Variants in MARCHF10 observed in about 807,000 individuals in gnomAD.
MARCHF10 encodes probable E3 ubiquitin-protein ligase MARCHF10.
Under a neutral mutation model 76.2 loss-of-function variants are expected in MARCHF10, and 64 were observed. The ratio of observed to expected loss-of-function variants is 0.84; its 90% CI spans 0.69 to 1.03. The LOEUF (loss-of-function observed/expected upper bound fraction) is 1.03, where lower values mean the gene tolerates loss of function less well. Ranked by LOEUF, MARCHF10 falls within the 50% of genes least tolerant of loss-of-function variation. The probability of loss-of-function intolerance (pLI) is 0.00; values close to 1 mark genes in which losing one functional copy is unlikely to be tolerated. For missense variants in MARCHF10, 875 were observed against 958.0 expected (o/e 0.91, Z 1.14); for synonymous variants, 340 against 357.5 (o/e 0.95, Z 0.55).
intron 5 of MARCHF10, 30 bp from the exon 6 acceptor site, chr17:62,737,362 C>G (rs1487338677): frequency 6.3e-7 from 1 of 1,589,074 alleles, no homozygotes; most frequent in Non-Finnish European, 8.5e-7. Flanking sequence ...ATTTATCGTT[C>G]CAGTAAAAGG....
At chr17:62,730,163 G>A (rs553995153) in intron 6 of MARCHF10, among the ~76,000 whole-genome samples, 1 of 141,278 alleles carries the variant, frequency 7.1e-6, no homozygotes, top group Non-Finnish European at 1.6e-5. Context: ...TCCAGCCTGA[G>A]CAACAGAGTG....
At chr17:62,775,251 G>T (rs944214991) in intron 3 of MARCHF10, among the ~76,000 whole-genome samples, 1 of 150,528 alleles carries the variant, frequency 6.6e-6, no homozygotes, top group Non-Finnish European at 1.5e-5. Context: ...TTAGCCTCCC[G>T]AGTAGCTGGG....
rs1304306648 is a variant in MARCHF10 at position 62,736,635 on chromosome 17, T to C, written c.1233A>G (p.Gln411=). 6.2e-7 allele frequency: 1 copy of C among 1,614,176 alleles called. No individual in the cohort carries two copies. The highest frequency in any genetic ancestry group is 8.5e-7 in the Non-Finnish European group (1 of 1,180,014). ...LSWDTKSEPR[Q]EVGVNAENVW... ...CATTTTCAGCATTGACACCAACCTC[T>C]TGTCTGGGCTCGGATTTGGTGTCCC... Residue 411 remains glutamine, a synonymous_variant, in exon 6 of 11, where the codon CAA becomes CAG. Coordinates refer to ENST00000311269, the MANE Select transcript of MARCHF10 (RefSeq NM_152598.4).
intron 3 of MARCHF10, among the ~76,000 whole-genome samples, chr17:62,784,458 T>C (rs1354795753): frequency 2.6e-5 from 4 of 152,286 alleles, no homozygotes; most frequent in Middle Eastern, 3.4e-3. Flanking sequence ...CTTTGAAAAC[T>C]GGCACAAGAC....
At chr17:62,804,496 C>T (rs1350703009) in intron 1 of MARCHF10, among the ~76,000 whole-genome samples, 1 of 152,000 alleles carries the variant, frequency 6.6e-6, no homozygotes, top group East Asian at 1.9e-4. Context: ...AGGTGGGTGC[C>T]GTTTCAGAGA....
At chr17:62,704,710 GA>G (rs1178092177) in intron 10 of MARCHF10, among the ~76,000 whole-genome samples, 1 of 152,246 alleles carries the variant, frequency 6.6e-6, no homozygotes, top group East Asian at 1.9e-4. Flanking sequence ...CGGGGCCCAG[GA>G]AACCGAGTTT....
intron 3 of MARCHF10, among the ~76,000 whole-genome samples, chr17:62,763,821 AAATAAG>A (rs2092266667): frequency 6.6e-6 from 1 of 152,200 alleles, no homozygotes; most frequent in African/African-American, 2.4e-5. Flanking sequence ...ATGTTAACTA[AAATAAG>A]TTGACGAAAT....
intron 6 of MARCHF10, among the ~76,000 whole-genome samples, chr17:62,733,280 G>A (rs1287851787): frequency 6.6e-6 from 1 of 152,074 alleles, no homozygotes; most frequent in Non-Finnish European, 1.5e-5. Context: ...GCAACGTAGT[G>A]AGACCCCATC....
At position 62,725,077 on chromosome 17, in the gene MARCHF10, C is replaced by T. The variant is rs779567565; in HGVS notation, c.1965G>A (p.Glu655=). Residue 655 remains glutamate, a synonymous_variant, in exon 7 of 11, where the codon GAG becomes GAA. Coordinates refer to ENST00000311269, the MANE Select transcript of MARCHF10 (RefSeq NM_152598.4). ...TCTGACAGATGCGACACAAGTCTCC[C>T]TCCTCCTCGGAGTCCTCCTCCAGGA... ...ESLLEEDSEE[E]GDLCRICQIA... 2 of 1,602,018 alleles carry T rather than the reference C, an allele frequency of 1.2e-6. No homozygotes were observed. Among genetic ancestry groups the T allele is most frequent in the Non-Finnish European group, 1.7e-6 (2 of 1,175,848 alleles).
chr17:62,806,434 G>C (rs1330304108), intron 1 of MARCHF10: 1 of 152,172 alleles, frequency 6.6e-6, no homozygotes, highest in Non-Finnish European at 1.5e-5. Flanking sequence ...GCTCACCTTT[G>C]AACTGCTTCT....
At chr17:62,782,038 A>T (rs1008015246) in intron 3 of MARCHF10, among the ~76,000 whole-genome samples, 8 of 152,124 alleles carry the variant, frequency 5.3e-5, no homozygotes, top group African/African-American at 1.9e-4. Context: ...CCTAGGGAGG[A>T]AGGCTTTGTT....
At chr17:62,767,766 T>C (rs796490461) in intron 3 of MARCHF10, among the ~76,000 whole-genome samples, 6 of 152,228 alleles carry the variant, frequency 3.9e-5, no homozygotes, top group African/African-American at 1.4e-4. Flanking sequence ...TGTATTCTTT[T>C]AGACACTTTT....
Position 62,736,278 on chromosome 17 carries a change from A to G in MARCHF10, c.1590T>C (p.Tyr530=). 1 of 1,614,202 alleles carries G rather than the reference A, an allele frequency of 6.2e-7. No individual in the cohort carries two copies. The change falls in exon 6 of 11, where the codon TAT becomes TAC. Residue 530 remains tyrosine (Y), a synonymous_variant. Coordinates refer to ENST00000311269, the MANE Select transcript of MARCHF10 (RefSeq NM_152598.4). Reference sequence around the variant, plus strand: ...ATTCGTGTGCACTGTTTACTGGGAAATAATTATGGTTTTCGGCACTGGCAA... The same window carrying G: ...ATTCGTGTGCACTGTTTACTGGGAAGTAATTATGGTTTTCGGCACTGGCAA... The part of the protein sequence containing the change: ...TPFASAENHN[Y]FPVNSAHEFA...
intron 6 of MARCHF10, among the ~76,000 whole-genome samples, chr17:62,728,794 C>T (rs1275207752): frequency 2.0e-5 from 3 of 152,080 alleles, no homozygotes; most frequent in African/African-American, 7.2e-5. Context: ...AAGAGATCAG[C>T]CATGAGCTTT....
At chr17:62,799,362 C>T (rs2093036446) in intron 2 of MARCHF10, among the ~76,000 whole-genome samples, 1 of 152,156 alleles carries the variant, frequency 6.6e-6, no homozygotes, top group Non-Finnish European at 1.5e-5. Context: ...CTAGTCCTTT[C>T]CATATACCGC....
chr17:62,792,682 C>T (rs2092870790), intron 2 of MARCHF10, among the ~76,000 whole-genome samples: 1 of 149,594 alleles, frequency 6.7e-6, no homozygotes, highest in African/African-American at 2.5e-5. Context: ...ACCACCACCT[C>T]CATCACCACC....
intron 4 of MARCHF10, among the ~76,000 whole-genome samples, chr17:62,754,365 G>A (rs1436051711): frequency 2.0e-5 from 3 of 152,148 alleles, no homozygotes; most frequent in Non-Finnish European, 2.9e-5. Context: ...GAGCCACTGC[G>A]CCCGGCCAAA....
intron 2 of MARCHF10, among the ~76,000 whole-genome samples, chr17:62,800,225 T>G (rs533203687): frequency 1.3e-5 from 2 of 152,278 alleles, no homozygotes; most frequent in African/African-American, 4.8e-5. Flanking sequence ...CAATGGAGAT[T>G]AGAAAATAAA....
At chr17:62,791,549 T>C (rs1466319874) in intron 2 of MARCHF10, among the ~76,000 whole-genome samples, 2 of 152,228 alleles carry the variant, frequency 1.3e-5, no homozygotes, top group African/African-American at 4.8e-5. Context: ...TTTTTCCCTC[T>C]AGTTCCTTGT....
Sources: allele counts gnomAD v4.1 joint callset (sites outside exome capture counted in the v4.1 genomes callset), GRCh38; gene constraint gnomAD v4.1.1; transcripts MANE v1.5; gene names NCBI Gene and HGNC (gene_info 2026-07-23, HGNC 2026-07-21).